UBE2D1: variants seen among roughly 807,000 people sequenced by gnomAD.
UBE2D1 encodes ubiquitin-conjugating enzyme E2 D1.
Under a neutral mutation model 24.6 loss-of-function variants are expected in UBE2D1, and 9 were observed. The observed-to-expected ratio is 0.37, with a 90% CI of 0.22 to 0.64. The LOEUF is 0.64. UBE2D1 is among the 30% of genes least tolerant of loss of function. The probability of loss-of-function intolerance (pLI) is 0.64; values close to 1 mark genes in which losing one functional copy is unlikely to be tolerated. For missense variants in UBE2D1, 87 were observed against 177.1 expected (o/e 0.49, Z 2.89); for synonymous variants, 57 against 57.6 (o/e 0.99, Z 0.04).
At chr10:58,341,852 T>C (rs528338373) in intron 1 of UBE2D1, among the ~76,000 whole-genome samples, 1 of 152,332 alleles carries the variant, frequency 6.6e-6, no homozygotes, top group African/African-American at 2.4e-5. Context: ...ATAAACTGAT[T>C]ACATTGAATT....
At chr10:58,359,533 A>G (rs1187980319) in intron 1 of UBE2D1, among the ~76,000 whole-genome samples, 1 of 152,152 alleles carries the variant, frequency 6.6e-6, no homozygotes, top group Non-Finnish European at 1.5e-5. Flanking sequence ...TTCATATCAC[A>G]AGGATTACAG....
rs566703313 is a variant in UBE2D1 at position 58,359,542 on chromosome 10, A to T, written c.25-1796A>T. On this transcript the variant is annotated intron_variant, in intron 1 of 6. Coordinates refer to ENST00000373910, the MANE Select transcript of UBE2D1 (RefSeq NM_003338.5). ...TGTTTCTTCATATCACAAGGATTAC[A>T]GATTCAACATATCTACTCTCCAAAT... 5.9e-5 allele frequency among the ~76,000 whole-genome samples: 9 copies of T among 152,296 alleles called. No individual in the cohort carries two copies. The South Asian group carries it at 1.9e-3, about 32-fold the overall frequency.
At chr10:58,364,309 A>T (rs1187907879) in intron 4 of UBE2D1, 2 of 153,004 alleles carry the variant, frequency 1.3e-5, no homozygotes, top group Non-Finnish European at 2.9e-5. Context: ...CTCTTGTGGA[A>T]AATTAGGATT....
chr10:58,364,969 A>G (rs551160729), intron 5 of UBE2D1, 93 bp downstream of exon 5: 3 of 968,906 alleles, frequency 3.1e-6, no homozygotes, highest in South Asian at 1.6e-5. Context: ...TAAAACAACA[A>G]TCAACTGTGC....
chr10:58,350,065 C>G (rs1321157991), intron 1 of UBE2D1, among the ~76,000 whole-genome samples: 1 of 152,174 alleles, frequency 6.6e-6, no homozygotes, highest in East Asian at 1.9e-4. Context: ...GTTCGTTCTA[C>G]TGTTGGTGGA....
At position 58,344,858 on chromosome 10, in the gene UBE2D1, A is replaced by C. The variant is rs150949067; in HGVS notation, c.24+9633A>C. 2.0e-3 allele frequency among the ~76,000 whole-genome samples: 294 copies of C among 149,186 alleles called. 1 individual carries two copies. Among genetic ancestry groups the C allele is most frequent in the African/African-American group, 6.6e-3 (268 of 40,582 alleles). On this transcript the variant is annotated intron_variant, in intron 1 of 6. Transcript: ENST00000373910. ...GCTGCACAGCTGCCTTATAGGTAAT[A>C]GTTTTTTTGTTTTTTTTTTTTTTAA... is the stretch of plus-strand genomic sequence containing the variant.
At chr10:58,341,200 A>G (rs1839957972) in intron 1 of UBE2D1, among the ~76,000 whole-genome samples, 2 of 152,178 alleles carry the variant, frequency 1.3e-5, no homozygotes, top group Admixed American at 6.5e-5. Context: ...TGCATTGTGA[A>G]GTTTTTATTT....
At chr10:58,341,388 G>A (rs778384550) in intron 1 of UBE2D1, among the ~76,000 whole-genome samples, 3 of 152,170 alleles carry the variant, frequency 2.0e-5, no homozygotes, top group Non-Finnish European at 2.9e-5. Flanking sequence ...AGATGAGAGC[G>A]AGATAGTGTT....
intron 1 of UBE2D1, among the ~76,000 whole-genome samples, chr10:58,339,543 G>C (rs1006652294): frequency 6.6e-6 from 1 of 151,996 alleles, no homozygotes; most frequent in Non-Finnish European, 1.5e-5. Context: ...CAAAAACCAG[G>C]GTGTTTGTAA....
At chr10:58,346,799 A>G (rs1331634535) in intron 1 of UBE2D1, among the ~76,000 whole-genome samples, 1 of 152,232 alleles carries the variant, frequency 6.6e-6, no homozygotes, top group African/African-American at 2.4e-5. Context: ...GCAGCAGTGT[A>G]TAGGTAGAAA....
intron 6 of UBE2D1, 106 bp downstream of exon 6, chr10:58,368,122 T>A (rs1264405145): frequency 1.3e-6 from 1 of 785,762 alleles, no homozygotes; most frequent in African/African-American, 1.7e-5. Context: ...ATGGTTGTTA[T>A]ATGTATATTG....
intron 5 of UBE2D1, 28 bp downstream of exon 5, chr10:58,364,904 GTTGATAACA>G (rs768604749): frequency 3.0e-5 from 47 of 1,549,318 alleles, no homozygotes; most frequent in Admixed American, 6.9e-5. Context: ...GTTTGAAACA[GTTGATAACA>G]GTGAGACAGG....
intron 1 of UBE2D1, among the ~76,000 whole-genome samples, chr10:58,336,799 C>T (rs930576895): frequency 1.3e-4 from 20 of 152,122 alleles, no homozygotes; most frequent in Non-Finnish European, 2.4e-4. Flanking sequence ...GAGAATTTTT[C>T]ACATGATTTT....
chr10:58,361,274 A>G (rs1840194740), intron 1 of UBE2D1, 64 bp from the exon 2 acceptor site: 14 of 1,535,452 alleles, frequency 9.1e-6, no homozygotes, highest in Non-Finnish European at 1.3e-5. Context: ...ATCTTAATGG[A>G]TCATTACCCT....
chr10:58,339,486 A>G (rs1836121358), intron 1 of UBE2D1, among the ~76,000 whole-genome samples: 1 of 152,134 alleles, frequency 6.6e-6, no homozygotes, highest in Non-Finnish European at 1.5e-5. Flanking sequence ...ATACATTTCC[A>G]TACAATGGAT....
intron 1 of UBE2D1, 65 bp from the exon 2 acceptor site, chr10:58,361,273 G>A: frequency 6.5e-7 from 1 of 1,527,856 alleles, no homozygotes; most frequent in East Asian, 2.3e-5. Context: ...CATCTTAATG[G>A]ATCATTACCC....
At chr10:58,338,648 A>G (rs572162476) in intron 1 of UBE2D1, among the ~76,000 whole-genome samples, 22 of 152,114 alleles carry the variant, frequency 1.4e-4, no homozygotes, top group African/African-American at 5.1e-4. Flanking sequence ...TCCCAATACC[A>G]AATGTTTTGA....
chr10:58,336,353 C>G (rs1839903159), intron 1 of UBE2D1, among the ~76,000 whole-genome samples: 1 of 152,166 alleles, frequency 6.6e-6, no homozygotes, highest in Admixed American at 6.5e-5. Flanking sequence ...TTTTTATCCA[C>G]TTTTTTGACC....
At chr10:58,335,765 A>G (rs1839896831) in intron 1 of UBE2D1, among the ~76,000 whole-genome samples, 1 of 152,206 alleles carries the variant, frequency 6.6e-6, no homozygotes, top group Admixed American at 6.5e-5. Flanking sequence ...TGGGCTGGAA[A>G]GCCCATTTGC....
Sources: allele counts gnomAD v4.1 joint callset (sites outside exome capture counted in the v4.1 genomes callset), GRCh38; gene constraint gnomAD v4.1.1; transcripts MANE v1.5; gene names NCBI Gene and HGNC (gene_info 2026-07-23, HGNC 2026-07-21).